The following CYP4X1 variants were observed in gnomAD, a reference collection of about 807,000 sequenced individuals.
CYP4X1 encodes cytochrome P450 family 4 subfamily X member 1, also known as cytochrome P450 4X1.
In CYP4X1, 44 loss-of-function variants were observed where a neutral mutation model predicts 57.9. That is an observed-to-expected ratio of 0.76 (90% CI 0.60 to 0.98). The LOEUF (loss-of-function observed/expected upper bound fraction) is 0.98, where lower values mean the gene tolerates loss of function less well. Ranked by LOEUF, CYP4X1 falls within the 50% of genes least tolerant of loss-of-function variation. CYP4X1 has a pLI of 0.00. For synonymous variants in CYP4X1, 227 were observed against 228.6 expected (o/e 0.99, Z 0.06); for missense variants, 532 against 623.9 (o/e 0.85, Z 1.57).
the CYP4X1 span, among the ~76,000 whole-genome samples, chr1:47,002,348 G>A: frequency 4.4e-3 from 664 of 152,302 alleles, 5 homozygotes; most frequent in African/African-American, 0.015. Flanking sequence ...AATACAGTGA[G>A]AATAATTCTT....
chr1:46,989,496 A>C, the CYP4X1 span, among the ~76,000 whole-genome samples: 3 of 152,194 alleles, frequency 2.0e-5, no homozygotes, highest in Non-Finnish European at 4.4e-5. Flanking sequence ...TATAGATTCA[A>C]TACTATCCCC....
the CYP4X1 span, among the ~76,000 whole-genome samples, chr1:46,985,196 C>T: frequency 7.9e-5 from 12 of 152,256 alleles, no homozygotes; most frequent in African/African-American, 2.2e-4. Flanking sequence ...GAAAAAAAGG[C>T]AGCAGCCTGT....
chr1:47,018,422 ACC>A, the CYP4X1 span, among the ~76,000 whole-genome samples: 3 of 151,554 alleles, frequency 2.0e-5, no homozygotes, highest in African/African-American at 4.8e-5. Flanking sequence ...GTGAGACCTG[ACC>A]TGCCACAATC....
At chr1:47,001,520 G>A in the CYP4X1 span, among the ~76,000 whole-genome samples, 1 of 152,072 alleles carries the variant, frequency 6.6e-6, no homozygotes, top group Non-Finnish European at 1.5e-5. Context: ...TATGGGCAGC[G>A]GAGTCAGAAG....
chr1:46,997,524 C>T, the CYP4X1 span, among the ~76,000 whole-genome samples: 1 of 152,150 alleles, frequency 6.6e-6, no homozygotes. Flanking sequence ...TAATGGCCTC[C>T]AGCTGCATCC....
upstream of CYP4X1, among the ~76,000 whole-genome samples, chr1:47,022,648 C>CT (rs1644011313): frequency 1.3e-5 from 2 of 151,874 alleles, no homozygotes; most frequent in Admixed American, 1.3e-4. Context: ...GAGAGTGGAG[C>CT]GTAGGCTTAA....
chr1:46,992,720 G>A, the CYP4X1 span, among the ~76,000 whole-genome samples: 2 of 152,178 alleles, frequency 1.3e-5, no homozygotes, highest in African/African-American at 2.4e-5. Flanking sequence ...TGGCTCACAA[G>A]TATCTGTTCA....
At chr1:47,031,912 T>C (rs1268991731) in intron 3 of CYP4X1, among the ~76,000 whole-genome samples, 1 of 152,078 alleles carries the variant, frequency 6.6e-6, no homozygotes, top group Non-Finnish European at 1.5e-5. Flanking sequence ...CATGGTAGCA[T>C]GTAGGCCTGT....
the CYP4X1 span, among the ~76,000 whole-genome samples, chr1:46,980,836 C>A: frequency 1.3e-5 from 2 of 152,128 alleles, no homozygotes; most frequent in African/African-American, 2.4e-5. Flanking sequence ...CACATCTACA[C>A]CATCTGATCT....
At chr1:47,019,071 CA>C (rs1643970984), upstream of CYP4X1, among the ~76,000 whole-genome samples, 1 of 152,140 alleles carries the variant, frequency 6.6e-6, no homozygotes. Context: ...CTCAAAATTA[CA>C]AAGTTTTTTC....
the CYP4X1 span, among the ~76,000 whole-genome samples, chr1:47,010,641 T>C: frequency 6.6e-6 from 1 of 152,222 alleles, no homozygotes; most frequent in Non-Finnish European, 1.5e-5. Context: ...GCAGATGACA[T>C]GATTGTATAT....
chr1:46,983,824 C>T, the CYP4X1 span, among the ~76,000 whole-genome samples: 5 of 152,084 alleles, frequency 3.3e-5, no homozygotes, highest in Non-Finnish European at 7.4e-5. Flanking sequence ...GCCACTGGTC[C>T]GAGTGCTGTG....
chr1:46,977,806 G>A, the CYP4X1 span, among the ~76,000 whole-genome samples: 3 of 152,060 alleles, frequency 2.0e-5, no homozygotes, highest in Admixed American at 6.5e-5. Flanking sequence ...CCAGGAAAGA[G>A]TGGGGGTCAA....
intron 8 of CYP4X1, among the ~76,000 whole-genome samples, chr1:47,042,691 G>A (rs940433137): frequency 1.3e-5 from 2 of 152,024 alleles, no homozygotes; most frequent in East Asian, 3.9e-4. Flanking sequence ...TCCCACTTAT[G>A]AGTGAGAACA....
chr1:46,969,429 A>G, the CYP4X1 span, among the ~76,000 whole-genome samples: 5 of 152,308 alleles, frequency 3.3e-5, no homozygotes, highest in Admixed American at 1.3e-4. Flanking sequence ...GTGGCAGCAA[A>G]CCAATTGGCA....
rs117022558 is a variant in CYP4X1, at chr1:47,042,267, T to G, written c.1073+2735T>G. Among the ~76,000 whole-genome samples, 734 of 148,082 alleles carry G rather than the reference T, an allele frequency of 5.0e-3. 13 individuals carry two copies. In the East Asian group the frequency reaches 0.052, roughly 11 times the overall value. ...TGCTTTGGCTATTTGAGTTTTTTTA[T>G]TCCATACGAATTTTAGGGCTTTTTT... On this transcript the variant is annotated intron_variant, in intron 8 of 11. Transcript: ENST00000371901.
chr1:47,000,527 T>A, the CYP4X1 span, among the ~76,000 whole-genome samples: 1 of 152,118 alleles, frequency 6.6e-6, no homozygotes, highest in African/African-American at 2.4e-5. Flanking sequence ...CCTCCAGAAC[T>A]ATAAGAGAAT....
intron 2 of CYP4X1, among the ~76,000 whole-genome samples, chr1:47,030,384 G>T (rs1224571032): frequency 1.3e-5 from 2 of 152,152 alleles, no homozygotes; most frequent in African/African-American, 4.8e-5. Context: ...TACCAGACTT[G>T]CCAGGCAAGG....
chr1:47,048,598 A>C lies in CYP4X1; in HGVS notation c.1241A>C (p.His414Pro). Residue 414 changes from histidine (H) to proline (P), a missense_variant, in exon 10 of 12, where the codon CAC becomes CCC. Coordinates refer to ENST00000371901, the MANE Select transcript of CYP4X1 (RefSeq NM_178033.2). ...GTGGTTCTTAGTATTTGGGGTCTTC[A>C]CCACAACCCTGCTGTCTGGAAAAAC... ...ITVVLSIWGL[H>P]HNPAVWKNPK... 1 of 1,614,050 alleles carries C rather than the reference A, an allele frequency of 6.2e-7. No individual in the cohort carries two copies. The highest frequency in any genetic ancestry group is 8.5e-7 in the Non-Finnish European group (1 of 1,179,988).
Sources: gnomAD v4.1 joint callset for allele counts (sites outside exome capture counted in the v4.1 genomes callset) on GRCh38, gnomAD v4.1.1 for gene constraint, MANE v1.5 for transcripts, NCBI Gene and HGNC (gene_info 2026-07-23, HGNC 2026-07-21) for gene names.